RFT1: variants seen among roughly 807,000 people sequenced by gnomAD.
The protein encoded by RFT1 is man(5)GlcNAc(2)-PP-dolichol translocation protein RFT1.
A neutral mutation model predicts 62.2 loss-of-function variants in RFT1; 43 were observed. The observed-to-expected ratio is 0.69, with a 90% CI of 0.54 to 0.89. The LOEUF is 0.89. Ranked by LOEUF, RFT1 falls within the 40% of genes least tolerant of loss-of-function variation. RFT1 has a pLI of 0.00. For synonymous variants in RFT1, 262 were observed against 264.6 expected (o/e 0.99, Z 0.10); for missense variants, 605 against 649.9 (o/e 0.93, Z 0.75).
At chr3:53,093,202 A>C (rs1290727416) in intron 11 of RFT1, among the ~76,000 whole-genome samples, 4 of 152,196 alleles carry the variant, frequency 2.6e-5, no homozygotes, top group African/African-American at 4.8e-5. Flanking sequence ...CATTCAAAGC[A>C]AATGACTGGC....
rs140127085 is a variant in RFT1, at chr3:53,122,448, G to A, written c.382C>T (p.Leu128Phe). ...CCTAGAAGCTCCACCACTGCCGAGA[G>A]ACCAAACAGCACCACTCCAGTTGCA... ...HYATGVVLFG[L>F]SAVVELLGEP... Residue 128 changes from leucine (L) to phenylalanine (F), a missense_variant, in exon 4 of 13, where the codon CTC (leucine) becomes TTC (phenylalanine). Coordinates refer to ENST00000296292, the MANE Select transcript of RFT1 (RefSeq NM_052859.4). 3.6e-4 allele frequency: 583 copies of A among 1,614,010 alleles called. 2 individuals carry two copies. The African/African-American group carries it at 6.6e-3, about 18-fold the overall frequency.
the RFT1 span, among the ~76,000 whole-genome samples, chr3:53,070,393 G>GTT: frequency 0.011 from 920 of 85,412 alleles, 154 homozygotes; most frequent in African/African-American, 0.039. Context: ...CTGTATTATG[G>GTT]TTTTTTTTTT....
chr3:53,072,456 C>T, the RFT1 span, among the ~76,000 whole-genome samples: 1 of 152,182 alleles, frequency 6.6e-6, no homozygotes, highest in African/African-American at 2.4e-5. Context: ...CTACCCACCT[C>T]GTAGGTGCGG....
intron 6 of RFT1, among the ~76,000 whole-genome samples, chr3:53,118,920 A>G (rs1168696503): frequency 6.6e-6 from 1 of 152,184 alleles, no homozygotes; most frequent in Non-Finnish European, 1.5e-5. Flanking sequence ...TGACACTCAG[A>G]AGGAGACCAC....
chr3:53,081,004 A>AT, the RFT1 span, among the ~76,000 whole-genome samples: 1 of 152,356 alleles, frequency 6.6e-6, no homozygotes, highest in Non-Finnish European at 1.5e-5. Context: ...GAGGAGCCTG[A>AT]TGGGGACAGA....
Position 53,122,536 on chromosome 3 carries a change from T to C in RFT1, c.294A>G (p.Leu98=), listed in dbSNP as rs760076355. Residue 98 remains leucine, a synonymous_variant, in exon 4 of 13, where the codon TTA becomes TTG. Transcript: ENST00000296292. ...LTVPLGVFWS[L]FLGWIWLQLL... is the part of the protein sequence containing the mutation. ...GCTGCAACCAGATCCAGCCCAGGAA[T>C]AAGGACCAAAACACACCCAGGGGGA... 2 of 1,612,610 alleles carry C rather than the reference T, an allele frequency of 1.2e-6. No individual in the cohort carries two copies. The highest frequency in any genetic ancestry group is 1.3e-5 in the African/African-American group (1 of 74,544).
chr3:53,071,565 G>A, the RFT1 span, among the ~76,000 whole-genome samples: 1 of 152,176 alleles, frequency 6.6e-6, no homozygotes, highest in Non-Finnish European at 1.5e-5. Flanking sequence ...ACCTCCCAGA[G>A]CAGACACCAG....
chr3:53,117,726 G>T (rs142059080), intron 6 of RFT1, among the ~76,000 whole-genome samples: 1 of 152,102 alleles, frequency 6.6e-6, no homozygotes, highest in Non-Finnish European at 1.5e-5. Flanking sequence ...TGGTGATATC[G>T]GTTGTCACTT....
intron 8 of RFT1, 49 bp downstream of exon 8, chr3:53,106,770 T>C (rs1475729191): frequency 7.2e-6 from 9 of 1,248,278 alleles, no homozygotes; most frequent in Non-Finnish European, 9.4e-6. Context: ...AGGAAGTATC[T>C]ATTAATAGTG....
the RFT1 span, among the ~76,000 whole-genome samples, chr3:53,078,798 C>A: frequency 6.6e-6 from 1 of 152,174 alleles, no homozygotes; most frequent in African/African-American, 2.4e-5. Flanking sequence ...AGCTCCCCTG[C>A]AGGACCCAGG....
rs1702234542 is a variant in RFT1, at chr3:53,130,432, T to C, written c.-32A>G. The C allele has an allele frequency of 6.5e-7, 1 of 1,549,708 alleles. No homozygotes were observed. Among genetic ancestry groups the C allele is most frequent in the African/African-American group, 1.4e-5 (1 of 73,162 alleles). On this transcript the variant is annotated 5_prime_UTR_variant, in exon 1 of 13. Coordinates refer to ENST00000296292, the MANE Select transcript of RFT1 (RefSeq NM_052859.4). The stretch of plus-strand genomic sequence containing the variant: ...CGCGCCAGGCTCAGACACCAGGAAA[T>C]GCCGCCGCCACTCCGTTTAGTCGCG...
chr3:53,081,725 C>T, the RFT1 span, among the ~76,000 whole-genome samples: 1 of 152,158 alleles, frequency 6.6e-6, no homozygotes, highest in African/African-American at 2.4e-5. Context: ...CTGGGATATA[C>T]AAAACCTTTT....
chr3:53,091,805 T>C lies in RFT1; in HGVS notation c.*98A>G, dbSNP rs760260993. ...ATCTCTGGGGTTGCTGTCACTCCGC[T>C]GCAGAGCCCTCAGTGGGGCTCTTAC... On this transcript the variant is annotated 3_prime_UTR_variant, in exon 13 of 13. Coordinates refer to ENST00000296292, the MANE Select transcript of RFT1 (RefSeq NM_052859.4). 1 of 1,332,104 alleles carries C rather than the reference T, an allele frequency of 7.5e-7. No individual in the cohort carries two copies. Among genetic ancestry groups the C allele is most frequent in the Non-Finnish European group, 1.1e-6 (1 of 931,540 alleles). 82.5% of individuals were successfully genotyped at this position (1,332,104 alleles called of 1,614,324 possible).
downstream of RFT1, among the ~76,000 whole-genome samples, chr3:53,085,021 C>G (rs1700827868): frequency 6.7e-6 from 1 of 148,962 alleles, no homozygotes; most frequent in Non-Finnish European, 1.5e-5. Flanking sequence ...GTCTTATAAT[C>G]TGTGCCAGTT....
chr3:53,130,330 G>C lies in RFT1; in HGVS notation c.63+8C>G, dbSNP rs1022161995. On this transcript the variant is annotated splice_region_variant and intron_variant, in intron 1 of 12. Transcript: ENST00000296292. ...AGTACAAGCTGGAACCTGAAGGGCA[G>C]AGAGTACCTGCAGGAGGAGACCGGA... 1.8e-5 allele frequency: 28 copies of C among 1,566,108 alleles called. No individual in the cohort carries two copies. Among genetic ancestry groups the C allele is most frequent in the Non-Finnish European group, 2.1e-5 (24 of 1,155,738 alleles).
downstream of RFT1, among the ~76,000 whole-genome samples, chr3:53,084,617 C>T (rs920042230): frequency 5.3e-5 from 8 of 152,182 alleles, no homozygotes; most frequent in East Asian, 1.9e-4. Flanking sequence ...AAGGCCCCAA[C>T]CTGTGATGGG....
intron 7 of RFT1, among the ~76,000 whole-genome samples, 175 bp from the exon 8 acceptor site, chr3:53,107,044 T>C (rs149087698): frequency 6.6e-6 from 1 of 152,228 alleles, no homozygotes; most frequent in East Asian, 1.9e-4. Context: ...AGAGTAACAA[T>C]TTGGAAAGTG....
chr3:53,093,026 C>T (rs951049299), intron 11 of RFT1, among the ~76,000 whole-genome samples: 1 of 152,144 alleles, frequency 6.6e-6, no homozygotes, highest in African/African-American at 2.4e-5. Flanking sequence ...CCTTGCCCTG[C>T]AGAGCTTGGA....
the RFT1 span, among the ~76,000 whole-genome samples, chr3:53,079,989 C>T: frequency 8.5e-5 from 13 of 152,290 alleles, no homozygotes; most frequent in South Asian, 1.9e-3. Flanking sequence ...CTTGGAAAGC[C>T]GAGACCAGGA....
Sources: gnomAD v4.1 joint callset for allele counts (sites outside exome capture counted in the v4.1 genomes callset) on GRCh38, gnomAD v4.1.1 for gene constraint, MANE v1.5 for transcripts, NCBI Gene and HGNC (gene_info 2026-07-23, HGNC 2026-07-21) for gene names.